Variants in BAZ1B observed in about 807,000 individuals in gnomAD.
The protein encoded by BAZ1B is bromodomain adjacent to zinc finger domain 1B, also known as tyrosine-protein kinase BAZ1B.
A neutral mutation model predicts 153.8 loss-of-function variants in BAZ1B; 22 were observed. That is an observed-to-expected ratio of 0.14 (90% CI 0.10 to 0.20). BAZ1B has a LOEUF of 0.20. Among genes scored for constraint, BAZ1B ranks in the 10% least tolerant of loss-of-function variants. The pLI is 1.00. For missense variants in BAZ1B, 1,325 were observed against 1,799.3 expected (o/e 0.74, Z 4.77); for synonymous variants, 676 against 633.4 (o/e 1.07, Z -1.01).
At chr7:73,480,865 G>A (rs1352541040) in intron 6 of BAZ1B, among the ~76,000 whole-genome samples, 1 of 152,198 alleles carries the variant, frequency 6.6e-6, no homozygotes, top group Non-Finnish European at 1.5e-5. Context: ...CTATGCTCTT[G>A]TTAGGAGAAA....
intron 8 of BAZ1B, among the ~76,000 whole-genome samples, 171 bp from the exon 9 acceptor site, chr7:73,469,821 A>G (rs541045026): frequency 1.3e-5 from 2 of 152,360 alleles, no homozygotes; most frequent in East Asian, 3.9e-4. Flanking sequence ...AAATCAAAGT[A>G]TACGAGAAAT....
At chr7:73,518,475 G>A (rs1217073008) in intron 1 of BAZ1B, among the ~76,000 whole-genome samples, 1 of 152,108 alleles carries the variant, frequency 6.6e-6, no homozygotes, top group African/African-American at 2.4e-5. Context: ...TAAGAGCTCA[G>A]TATTCCAAAT....
At chr7:73,495,246 G>A (rs1361075086) in intron 4 of BAZ1B, among the ~76,000 whole-genome samples, 2 of 152,198 alleles carry the variant, frequency 1.3e-5, no homozygotes, top group African/African-American at 4.8e-5. Flanking sequence ...TCGTGCCACT[G>A]CGCTCCAGCC....
intron 3 of BAZ1B, among the ~76,000 whole-genome samples, chr7:73,504,430 G>A (rs767968860): frequency 6.6e-6 from 1 of 152,080 alleles, no homozygotes; most frequent in Non-Finnish European, 1.5e-5. Flanking sequence ...CTGGGAGGCC[G>A]AGGCGGGTGG....
At chr7:73,504,595 C>T (rs1282023817) in intron 3 of BAZ1B, among the ~76,000 whole-genome samples, 5 of 151,916 alleles carry the variant, frequency 3.3e-5, no homozygotes, top group African/African-American at 9.7e-5. Flanking sequence ...ACCCGGGAGG[C>T]GGAGCTTGCA....
chr7:73,461,752 G>A (rs547385244), intron 12 of BAZ1B, among the ~76,000 whole-genome samples: 8 of 152,260 alleles, frequency 5.3e-5, no homozygotes, highest in African/African-American at 1.9e-4. Flanking sequence ...AATGGCATGG[G>A]GGAATGCAAA....
chr7:73,489,152 T>C (rs782479789), intron 6 of BAZ1B, 42 bp downstream of exon 6: 1 of 1,572,180 alleles, frequency 6.4e-7, no homozygotes, highest in Non-Finnish European at 8.7e-7. Flanking sequence ...AGAGAAATAA[T>C]GATGCTTTAT....
chr7:73,511,550 A>C (rs1157779630), intron 1 of BAZ1B, among the ~76,000 whole-genome samples: 1 of 152,070 alleles, frequency 6.6e-6, no homozygotes, highest in Non-Finnish European at 1.5e-5. Flanking sequence ...GTTTTACAAA[A>C]AAAATTAATA....
chr7:73,521,232 C>G (rs897011434), intron 1 of BAZ1B, among the ~76,000 whole-genome samples: 24 of 152,104 alleles, frequency 1.6e-4, no homozygotes, highest in African/African-American at 5.5e-4. Context: ...TTCCTCTAAG[C>G]GGGGAATCTC....
At chr7:73,463,714 T>G (rs35797675) in intron 11 of BAZ1B, among the ~76,000 whole-genome samples, 30,019 of 151,996 alleles carry the variant, frequency 0.2, 3,141 homozygotes, top group African/African-American at 0.23. Context: ...TCTTTTTTTT[T>G]TTGTTGTTTT....
intron 12 of BAZ1B, among the ~76,000 whole-genome samples, chr7:73,460,205 A>G: frequency 6.6e-6 from 1 of 151,200 alleles, no homozygotes; most frequent in African/African-American, 2.4e-5. Context: ...AAAAAAAAAA[A>G]AAAAAAAAAA....
rs1790119771 is a variant in BAZ1B, at chr7:73,501,230, T to C, written c.370-2532A>G. 3.3e-5 allele frequency among the ~76,000 whole-genome samples: 5 copies of C among 152,156 alleles called. No homozygotes were observed. In the South Asian group the frequency reaches 1.0e-3, roughly 32 times the overall value. On this transcript the variant is annotated intron_variant, in intron 3 of 19. Coordinates refer to ENST00000339594, the MANE Select transcript of BAZ1B (RefSeq NM_032408.4). Reference sequence around the variant, plus strand: ...AAGATCACGCCATTGCACTCCAGCCTGGGTAACAAGAATGAAACTCCGCCT... The same window carrying C: ...AAGATCACGCCATTGCACTCCAGCCCGGGTAACAAGAATGAAACTCCGCCT...
chr7:73,471,881 A>C (rs797028130), intron 7 of BAZ1B, among the ~76,000 whole-genome samples: 9 of 152,210 alleles, frequency 5.9e-5, no homozygotes, highest in African/African-American at 1.9e-4. Flanking sequence ...TTAAAAAAAA[A>C]AAAAAGCGAG....
At chr7:73,471,868 T>C (rs1233747897) in intron 7 of BAZ1B, among the ~76,000 whole-genome samples, 2 of 148,754 alleles carry the variant, frequency 1.3e-5, no homozygotes, top group African/African-American at 5.0e-5. Flanking sequence ...CAAAGGTAAA[T>C]GATTAAAAAA....
intron 12 of BAZ1B, among the ~76,000 whole-genome samples, chr7:73,461,522 A>G (rs1305046983): frequency 1.3e-5 from 2 of 152,208 alleles, no homozygotes; most frequent in Non-Finnish European, 2.9e-5. Flanking sequence ...TAACATCTGA[A>G]ACCTGCAAGA....
chr7:73,499,397 C>T (rs996412548), intron 3 of BAZ1B, among the ~76,000 whole-genome samples: 7 of 152,094 alleles, frequency 4.6e-5, no homozygotes, highest in African/African-American at 1.4e-4. Flanking sequence ...GTTGAAATAA[C>T]ACCTTTCTCT....
At chr7:73,442,953 G>A (rs1787683969) in intron 17 of BAZ1B, 125 bp from the exon 18 acceptor site, 3 of 740,744 alleles carry the variant, frequency 4.0e-6, no homozygotes, top group Non-Finnish European at 6.6e-6. Context: ...GCGCAGAGGT[G>A]CTGAAACCTT....
intron 1 of BAZ1B, among the ~76,000 whole-genome samples, chr7:73,513,412 A>G (rs963755408): frequency 1.9e-4 from 29 of 152,354 alleles, no homozygotes; most frequent in Non-Finnish European, 3.8e-4. Context: ...AAAACTGAGT[A>G]ATAAATCCAT....
At chr7:73,496,888 T>C (rs147627429) in intron 4 of BAZ1B, among the ~76,000 whole-genome samples, 1 of 151,856 alleles carries the variant, frequency 6.6e-6, no homozygotes, top group Non-Finnish European at 1.5e-5. Context: ...TAATTCAGCA[T>C]GAGGCCGAGG....
Sources: allele counts gnomAD v4.1 joint callset (sites outside exome capture counted in the v4.1 genomes callset), GRCh38; gene constraint gnomAD v4.1.1; transcripts MANE v1.5; gene names NCBI Gene and HGNC (gene_info 2026-07-23, HGNC 2026-07-21).